Variants in PCDHGB3 observed in about 807,000 individuals in gnomAD.
PCDHGB3 encodes the protein protocadherin gamma subfamily B, 3.
A neutral mutation model predicts 59.2 loss-of-function variants in PCDHGB3; 40 were observed. The observed-to-expected ratio is 0.68, with a 90% CI of 0.52 to 0.88. The LOEUF is 0.88. Among genes scored for constraint, PCDHGB3 ranks in the 40% least tolerant of loss-of-function variants. The pLI is 0.00. For synonymous variants in PCDHGB3, 581 were observed against 503.6 expected, an observed-to-expected ratio of 1.15 and a Z score of -2.06; for missense variants, 1,309 against 1,187.9, an observed-to-expected ratio of 1.10 and a Z score of -1.50.
At position 141,371,536 on chromosome 5, in the gene PCDHGB3, A is replaced by G. The variant is rs1767830265; in HGVS notation, c.1142A>G (p.Glu381Gly). The G allele has an allele frequency of 2.5e-6, 4 of 1,613,810 alleles. No individual in the cohort carries two copies. The highest frequency in any genetic ancestry group is 3.4e-6 in the Non-Finnish European group (4 of 1,179,760). Residue 381 changes from glutamate to glycine, a missense_variant, in exon 1 of 4, where the codon GAA (glutamate) becomes GGA (glycine). Transcript: ENST00000576222. ...GATCTAGATTCTGGATTTAATGGAGAAATCCTATGCCAACTAAAAGGAAAC... is the reference window on the plus strand; with the variant it reads ...GATCTAGATTCTGGATTTAATGGAGGAATCCTATGCCAACTAAAAGGAAAC... ...THDLDSGFNG[E>G]ILCQLKGNFP... is the part of the protein sequence containing the mutation.
intron 1 of PCDHGB3, among the ~76,000 whole-genome samples, chr5:141,444,503 T>C (rs2098438734): frequency 6.6e-6 from 1 of 152,088 alleles, no homozygotes; most frequent in Non-Finnish European, 1.5e-5. Flanking sequence ...AATACTTTGC[T>C]CTAGCAGTAT....
intron 1 of PCDHGB3, chr5:141,375,741 T>C (rs1374220780): frequency 1.9e-6 from 3 of 1,614,246 alleles, no homozygotes; most frequent in South Asian, 2.2e-5. Flanking sequence ...CTGTTTGTGC[T>C]GGACCAGAAT....
intron 1 of PCDHGB3, chr5:141,441,809 C>A: frequency 2.7e-6 from 1 of 373,176 alleles, no homozygotes; most frequent in East Asian, 9.0e-5. Context: ...GGGTGCTGTA[C>A]CCCAGCTCTG....
intron 2 of PCDHGB3, among the ~76,000 whole-genome samples, chr5:141,503,598 C>CAAAAAAA (rs765754054): frequency 1.5e-5 from 1 of 65,730 alleles, no homozygotes; most frequent in Non-Finnish European, 3.4e-5. Flanking sequence ...GACTCCAGCT[C>CAAAAAAA]AAAAAAAAAA....
At chr5:141,435,346 G>A (rs2097758346) in intron 1 of PCDHGB3, among the ~76,000 whole-genome samples, 1 of 152,012 alleles carries the variant, frequency 6.6e-6, no homozygotes, top group South Asian at 2.1e-4. Flanking sequence ...TATTTCTTCT[G>A]CATTTAAAAT....
rs921020435 is a variant in PCDHGB3, at chr5:141,477,853, G to A, written c.2416-16954G>A. 5.0e-6 allele frequency: 8 copies of A among 1,613,344 alleles called. No homozygotes were observed. The East Asian group carries it at 1.6e-4, about 31-fold the overall frequency. On this transcript the variant is annotated intron_variant, in intron 1 of 3. Coordinates refer to ENST00000576222, the MANE Select transcript of PCDHGB3 (RefSeq NM_018924.5). The surrounding 1 kb of genome is among the most constrained non-coding windows in gnomAD (Gnocchi z 4.9). The stretch of plus-strand genomic sequence containing the variant: ...GGCCAGGTGGGAGCTCGGTGGAGAT[G>A]CTGCCTCGAGGTACCTCAGCTGGCC...
chr5:141,413,272 C>T lies in PCDHGB3; in HGVS notation c.2415+40463C>T, dbSNP rs753942667. Reference sequence around the variant, plus strand: ...CGGGATTCCATGGGAGGCTGGAGCCCGGCAGATCTCCTACTCAATTCCTGA... The same window carrying T: ...CGGGATTCCATGGGAGGCTGGAGCCTGGCAGATCTCCTACTCAATTCCTGA... On this transcript the variant is annotated intron_variant, in intron 1 of 3. Coordinates refer to ENST00000576222, the MANE Select transcript of PCDHGB3 (RefSeq NM_018924.5). 8.1e-6 allele frequency: 13 copies of T among 1,613,944 alleles called. No individual in the cohort carries two copies. In the South Asian group the frequency reaches 1.4e-4, roughly 18 times the overall value.
chr5:141,476,098 G>A lies in PCDHGB3; in HGVS notation c.2416-18709G>A, dbSNP rs1241353656. The A allele has an allele frequency of 4.5e-6, 7 of 1,573,026 alleles. No homozygotes were observed. Among genetic ancestry groups the A allele is most frequent in the Non-Finnish European group, 6.0e-6 (7 of 1,163,102 alleles). ...AGGGACGATCTGGACCCCGCTGAGA[G>A]GAACTGCTTTTGAGTGAGATGGTCC... On this transcript the variant is annotated intron_variant, in intron 1 of 3. Transcript: ENST00000576222. This position sits in a 1 kb window ranked among gnomAD's most constrained non-coding sequence, Gnocchi z 7.6.
At position 141,491,566 on chromosome 5, in the gene PCDHGB3, A is replaced by G; in HGVS notation, c.2416-3241A>G. Reference sequence around the variant, plus strand: ...AGACTCGCAGAGCCACTGCTACAGGACGTGCTTTTCACCGGCCTCGGACGG... The same window carrying G: ...AGACTCGCAGAGCCACTGCTACAGGGCGTGCTTTTCACCGGCCTCGGACGG... On this transcript the variant is annotated intron_variant, in intron 1 of 3. Transcript: ENST00000576222. This position sits in a 1 kb window ranked among gnomAD's most constrained non-coding sequence, Gnocchi z 6.9. 1 of 1,613,950 alleles carries G rather than the reference A, an allele frequency of 6.2e-7. No individual in the cohort carries two copies.
At chr5:141,498,264 C>A (rs1272117057) in intron 2 of PCDHGB3, among the ~76,000 whole-genome samples, 2 of 152,016 alleles carry the variant, frequency 1.3e-5, no homozygotes, top group Admixed American at 1.3e-4. Context: ...GTGTTGAGTT[C>A]TTCAGTAAAC....
Position 141,410,173 on chromosome 5 carries a change from C to G in PCDHGB3, c.2415+37364C>G, listed in dbSNP as rs544938164. ...GTGGACAGCCGCCACTCTCTGCCACCGCCACGCTTCATCTGGTCTTCGCAG... is the reference window on the plus strand; with the variant it reads ...GTGGACAGCCGCCACTCTCTGCCACGGCCACGCTTCATCTGGTCTTCGCAG... On this transcript the variant is annotated intron_variant, in intron 1 of 3. Coordinates refer to ENST00000576222, the MANE Select transcript of PCDHGB3 (RefSeq NM_018924.5). The G allele has an allele frequency of 6.2e-6, 10 of 1,613,842 alleles. No individual in the cohort carries two copies. The African/African-American group carries it at 9.3e-5, about 15-fold the overall frequency.
intron 1 of PCDHGB3, chr5:141,390,308 T>A (rs768472507): frequency 1.2e-6 from 2 of 1,613,092 alleles, no homozygotes; most frequent in African/African-American, 2.7e-5. Context: ...TATAATTTAA[T>A]GCTCATTGCC....
intron 1 of PCDHGB3, chr5:141,373,939 G>A: frequency 2.8e-6 from 2 of 714,100 alleles, no homozygotes; most frequent in Non-Finnish European, 2.1e-6. Flanking sequence ...AAGCAGGAAA[G>A]CTGTGCAGAA....
At chr5:141,447,400 A>G (rs904985523) in intron 1 of PCDHGB3, among the ~76,000 whole-genome samples, 1 of 152,090 alleles carries the variant, frequency 6.6e-6, no homozygotes, top group Non-Finnish European at 1.5e-5. Flanking sequence ...GGCCTCCCAA[A>G]GTGCTGGGAT....
Position 141,487,622 on chromosome 5 carries a change from C to A in PCDHGB3, c.2416-7185C>A. 1 of 1,614,174 alleles carries A rather than the reference C, an allele frequency of 6.2e-7. No homozygotes were observed. Among genetic ancestry groups the A allele is most frequent in the Non-Finnish European group, 8.5e-7 (1 of 1,180,030 alleles). ...TCTTCTCTATGGGCTAGAGGTGAGACCTTTGCAGGCTCAACAAATGCTTGA... is the reference window on the plus strand; with the variant it reads ...TCTTCTCTATGGGCTAGAGGTGAGAACTTTGCAGGCTCAACAAATGCTTGA... On this transcript the variant is annotated intron_variant, in intron 1 of 3. Transcript: ENST00000576222. The surrounding 1 kb of genome is among the most constrained non-coding windows in gnomAD (Gnocchi z 5.0).
In PCDHGB3 at chr5:141,371,272, A is replaced by G. The variant is rs750507837; in HGVS notation, c.878A>G (p.Lys293Arg). Residue 293 changes from lysine to arginine, a missense_variant, in exon 1 of 4, where the codon AAG becomes AGG. Coordinates refer to ENST00000576222, the MANE Select transcript of PCDHGB3 (RefSeq NM_018924.5). ...NIGKEVRQLF[K>R]LDSKTGELTT... Reference sequence around the variant, plus strand: ...GGCAAGGAAGTGAGACAACTGTTCAAGCTGGACAGTAAAACGGGGGAACTC... The same window carrying G: ...GGCAAGGAAGTGAGACAACTGTTCAGGCTGGACAGTAAAACGGGGGAACTC... 3 of 1,614,026 alleles carry G rather than the reference A, an allele frequency of 1.9e-6. No homozygotes were observed. The highest frequency in any genetic ancestry group is 1.7e-5 in the Admixed American group (1 of 60,026).
intron 2 of PCDHGB3, among the ~76,000 whole-genome samples, chr5:141,498,421 A>C (rs1328848787): frequency 6.6e-6 from 1 of 152,016 alleles, no homozygotes; most frequent in Non-Finnish European, 1.5e-5. Flanking sequence ...CTGGCACTGG[A>C]GTGAGGGGAT....
intron 1 of PCDHGB3, among the ~76,000 whole-genome samples, chr5:141,443,594 T>C (rs1040469046): frequency 1.3e-5 from 2 of 152,234 alleles, no homozygotes; most frequent in Non-Finnish European, 2.9e-5. Flanking sequence ...CAGAATGTGG[T>C]ATATGAAATG....
chr5:141,385,771 C>A, intron 1 of PCDHGB3: 1 of 163,128 alleles, frequency 6.1e-6, no homozygotes, highest in Non-Finnish European at 1.3e-5. Context: ...CTGATTCTGC[C>A]TCCATGTACC....
Sources: allele counts gnomAD v4.1 joint callset (sites outside exome capture counted in the v4.1 genomes callset), GRCh38; gene constraint gnomAD v4.1.1; non-coding constraint Gnocchi (gnomAD v3.1); transcripts MANE v1.5; gene names NCBI Gene and HGNC (gene_info 2026-07-23, HGNC 2026-07-21).